The following GREB1 variants were observed in gnomAD, a reference collection of about 807,000 sequenced individuals.
GREB1 encodes the protein growth regulating estrogen receptor binding 1, also known as protein GREB1.
In GREB1, 106 loss-of-function variants were observed where a neutral mutation model predicts 200.7. The observed-to-expected ratio is 0.53, with a 90% confidence interval of 0.45 to 0.62. GREB1 has a LOEUF of 0.62. Among genes scored for constraint, GREB1 ranks in the 20% least tolerant of loss-of-function variants. The pLI, the probability that GREB1 is intolerant of heterozygous loss-of-function variation, is 0.00. For missense variants in GREB1, 2,243 were observed against 2,556.8 expected (o/e 0.88, Z 2.65); for synonymous variants, 1,132 against 1,092.4 (o/e 1.04, Z -0.72).
At position 11,601,092 on chromosome 2, in the gene GREB1, T is replaced by C. The variant is rs1681741813; in HGVS notation, c.2529+97T>C. 1.2e-5 allele frequency: 12 copies of C among 966,498 alleles called. No individual in the cohort carries two copies. The South Asian group carries it at 2.0e-4, about 16-fold the overall frequency. The allele number at this position is 966,498 out of a possible 1,614,324, so 59.9% of individuals were successfully genotyped here. A position where few individuals can be genotyped will look rare whatever the true frequency, so the allele number is the denominator to read the frequency against. On this transcript the variant is annotated intron_variant, in intron 16 of 32. Coordinates refer to ENST00000381486, the MANE Select transcript of GREB1 (RefSeq NM_014668.4). Reference sequence around the variant, plus strand: ...CAGCCTTGACCAGTGTGGTTGAGGATAATGGGTTCCAGCTCCTTGGATCTT... The same window carrying C: ...CAGCCTTGACCAGTGTGGTTGAGGACAATGGGTTCCAGCTCCTTGGATCTT...
At chr2:11,596,276 G>T (rs1049507182) in intron 13 of GREB1, 37 bp downstream of exon 13, 2 of 1,588,286 alleles carry the variant, frequency 1.3e-6, no homozygotes, top group Non-Finnish European at 1.7e-6. Context: ...GGTGGAGAGG[G>T]TACAAAGTAG....
In GREB1 at chr2:11,631,451, G is replaced by A. The variant is rs75971510; in HGVS notation, c.4612-458G>A. Among the ~76,000 whole-genome samples, 615 of 152,310 alleles carry A rather than the reference G, an allele frequency of 4.0e-3. 6 individuals carry two copies. Among genetic ancestry groups the A allele is most frequent in the African/African-American group, 0.012 (518 of 41,572 alleles). On this transcript the variant is annotated intron_variant, in intron 26 of 32. Coordinates refer to ENST00000381486, the MANE Select transcript of GREB1 (RefSeq NM_014668.4). ...AATTGCTATATGCCAGTTAATTTCC[G>A]TTGCCTAACTATTCCCAAATAAGCA...
At chr2:11,540,790 A>G (rs1263156273) in intron 1 of GREB1, 1 of 153,616 alleles carries the variant, frequency 6.5e-6, no homozygotes, top group Non-Finnish European at 1.5e-5. Context: ...ATAGGAGACC[A>G]TCCTGCAGTC....
chr2:11,504,034 C>G (rs1673114975), intron 1 of GREB1, among the ~76,000 whole-genome samples: 1 of 152,086 alleles, frequency 6.6e-6, no homozygotes, highest in Non-Finnish European at 1.5e-5. Context: ...TAAAATAGAA[C>G]AATTATAGCA....
upstream of GREB1, among the ~76,000 whole-genome samples, chr2:11,530,840 G>A (rs1199986872): frequency 2.0e-5 from 3 of 152,064 alleles, no homozygotes; most frequent in East Asian, 1.9e-4. Flanking sequence ...TTTTTAAAAA[G>A]GGGTTAGAGT....
intron 19 of GREB1, 72 bp downstream of exon 19, chr2:11,612,682 A>AG: frequency 3.2e-6 from 3 of 949,788 alleles, no homozygotes; most frequent in Non-Finnish European, 5.1e-6. Flanking sequence ...GGAGCATGTC[A>AG]GGGGGGCTGC....
At chr2:11,600,580 G>C (rs767261429) in intron 15 of GREB1, among the ~76,000 whole-genome samples, 1 of 152,108 alleles carries the variant, frequency 6.6e-6, no homozygotes, top group East Asian at 1.9e-4. Flanking sequence ...ACCGTCCCAC[G>C]CCAGACACAT....
intron 1 of GREB1, among the ~76,000 whole-genome samples, chr2:11,547,550 C>T (rs932635993): frequency 1.3e-5 from 2 of 152,090 alleles, no homozygotes; most frequent in Non-Finnish European, 2.9e-5. Flanking sequence ...CTATTCTTCC[C>T]TGCCTTTCAT....
chr2:11,521,134 G>T (rs757606134), intron 1 of GREB1, among the ~76,000 whole-genome samples: 14 of 152,024 alleles, frequency 9.2e-5, no homozygotes, highest in South Asian at 2.1e-4. Context: ...TTGAGCGAGG[G>T]TCTTACTCTG....
At chr2:11,637,694 T>C (rs1460920884) in intron 30 of GREB1, 22 bp from the exon 31 acceptor site, 1 of 1,609,846 alleles carries the variant, frequency 6.2e-7, no homozygotes, top group Non-Finnish European at 8.5e-7. Context: ...AGTAGTGGCC[T>C]GACACCCCCC....
intron 15 of GREB1, 85 bp from the exon 16 acceptor site, chr2:11,600,715 A>T: frequency 2.0e-6 from 2 of 1,019,842 alleles, no homozygotes; most frequent in Non-Finnish European, 3.1e-6. Context: ...GTCAGGGGTT[A>T]GTTATAAATT....
chr2:11,619,558 G>A (rs2148362474), intron 22 of GREB1, among the ~76,000 whole-genome samples: 1 of 152,308 alleles, frequency 6.6e-6, no homozygotes, highest in African/African-American at 2.4e-5. Context: ...TTACCAAGGA[G>A]TCTCCCTTCT....
intron 2 of GREB1, chr2:11,561,361 ATTTTTTTTT>A (rs368618248): frequency 9.0e-6 from 1 of 110,736 alleles, no homozygotes; most frequent in Non-Finnish European, 1.8e-5. Flanking sequence ...CCTTGGGGAT[ATTTTTTTTT>A]TTTTTTTTTT....
At position 11,612,660 on chromosome 2, in the gene GREB1, G is replaced by T. The variant is rs781655040; in HGVS notation, c.3122+50G>T. 8.2e-6 allele frequency: 10 copies of T among 1,222,138 alleles called. No homozygotes were observed. In the Admixed American group the frequency reaches 1.7e-4, roughly 21 times the overall value. 75.7% of individuals were successfully genotyped at this position (1,222,138 alleles called of 1,614,324 possible). A position where few individuals can be genotyped will look rare whatever the true frequency, so the allele number is the denominator to read the frequency against. On this transcript the variant is annotated intron_variant, in intron 19 of 32. Coordinates refer to ENST00000381486, the MANE Select transcript of GREB1 (RefSeq NM_014668.4). ...GGGGTCTCTGAGGAGCTGGCTGCCT[G>T]GGCCCCCTCAAGGAGCATGTCAGGG...
At chr2:11,515,087 C>T (rs756082682) in intron 1 of GREB1, among the ~76,000 whole-genome samples, 1 of 150,448 alleles carries the variant, frequency 6.6e-6, no homozygotes, top group Non-Finnish European at 1.5e-5. Context: ...TCTCTTCCCC[C>T]ACCTGCCCAT....
Position 11,593,089 on chromosome 2 carries a change from C to T in GREB1, c.1659C>T (p.Cys553=). Residue 553 remains cysteine (C), a synonymous_variant, in exon 11 of 33, where the codon TGC becomes TGT. Transcript: ENST00000381486. ...KTNYVVIICA[C]RSAAIDSCIA... Reference sequence around the variant, plus strand: ...ACTACGTGGTCATCATCTGCGCCTGCCGCAGCGCGGCCATCGACTCCTGCA... The same window carrying T: ...ACTACGTGGTCATCATCTGCGCCTGTCGCAGCGCGGCCATCGACTCCTGCA... 6.2e-7 allele frequency: 1 copy of T among 1,609,900 alleles called. No homozygotes were observed. Among genetic ancestry groups the T allele is most frequent in the Non-Finnish European group, 8.5e-7 (1 of 1,178,164 alleles).
intron 1 of GREB1, among the ~76,000 whole-genome samples, chr2:11,499,311 G>T (rs1241646565): frequency 6.6e-6 from 1 of 152,244 alleles, no homozygotes; most frequent in African/African-American, 2.4e-5. Flanking sequence ...CAACAGCAAG[G>T]GGTGGGCACA....
At chr2:11,596,536 G>A (rs1681242466) in intron 13 of GREB1, among the ~76,000 whole-genome samples, 1 of 69,816 alleles carries the variant, frequency 1.4e-5, no homozygotes, top group Non-Finnish European at 2.8e-5. Context: ...GCACAGTGAG[G>A]GGGTGGGGGC....
At position 11,494,820 on chromosome 2, in the gene GREB1, C is replaced by T. The variant is rs571792214; in HGVS notation, c.-159+12439C>T. Reference sequence around the variant, plus strand: ...CCATGGGGTGGCTGCCAAAATCCAGCGAGTTTACACCGCAGGTGCTTAGAC... The same window carrying T: ...CCATGGGGTGGCTGCCAAAATCCAGTGAGTTTACACCGCAGGTGCTTAGAC... On this transcript the variant is annotated intron_variant, in intron 1 of 2. Transcript: ENST00000628795. 6.6e-5 allele frequency among the ~76,000 whole-genome samples: 10 copies of T among 152,284 alleles called. No individual in the cohort carries two copies. The South Asian group carries it at 8.3e-4, about 13-fold the overall frequency.
Sources: gnomAD v4.1 joint callset for allele counts (sites outside exome capture counted in the v4.1 genomes callset) on GRCh38, gnomAD v4.1.1 for gene constraint, MANE v1.5 for transcripts, NCBI Gene and HGNC (gene_info 2026-07-23, HGNC 2026-07-21) for gene names.